Variants in ADCY10 observed in about 807,000 individuals in gnomAD.
ADCY10 encodes the protein adenylate cyclase 10.
A neutral mutation model predicts 183.3 loss-of-function variants in ADCY10; 156 were observed. The ratio of observed to expected loss-of-function variants is 0.85; its 90% CI spans 0.75 to 0.97. ADCY10 has a LOEUF of 0.97. ADCY10 is among the 50% of genes least tolerant of loss of function. The pLI, the probability that ADCY10 is intolerant of heterozygous loss-of-function variation, is 0.00. For missense variants in ADCY10, 1,745 were observed against 1,934.3 expected, an observed-to-expected ratio of 0.90 and a Z score of 1.84; for synonymous variants, 645 against 670.0, an observed-to-expected ratio of 0.96 and a Z score of 0.58.
chr1:167,875,778 G>A (rs203828), intron 12 of ADCY10, among the ~76,000 whole-genome samples: 51,674 of 151,776 alleles, frequency 0.34, 9,795 homozygotes, highest in African/African-American at 0.51. Flanking sequence ...GTGAAACCCC[G>A]TCTCTACCAA....
rs113407437 is a variant in ADCY10 at position 167,859,501 on chromosome 1, C to T, written c.1896+306G>A. Reference sequence around the variant, plus strand: ...GGGGGTTCAAACCTCAGTGGTCTGACGACAGAGCCTGCATATGTAACCACT... The same window carrying T: ...GGGGGTTCAAACCTCAGTGGTCTGATGACAGAGCCTGCATATGTAACCACT... On this transcript the variant is annotated intron_variant, in intron 16 of 32. Coordinates refer to ENST00000367851, the MANE Select transcript of ADCY10 (RefSeq NM_018417.6). Among the ~76,000 whole-genome samples, 894 of 152,164 alleles carry T rather than the reference C, an allele frequency of 5.9e-3. 10 individuals carry two copies. Among genetic ancestry groups the T allele is most frequent in the African/African-American group, 0.021 (851 of 41,504 alleles).
intron 8 of ADCY10, among the ~76,000 whole-genome samples, chr1:167,885,280 T>C (rs1668143996): frequency 6.6e-6 from 1 of 152,148 alleles, no homozygotes; most frequent in East Asian, 1.9e-4. Flanking sequence ...AATATATTGA[T>C]TTCTTTTCTT....
At chr1:167,832,241 A>G (rs574558957) in intron 25 of ADCY10, among the ~76,000 whole-genome samples, 67 of 152,324 alleles carry the variant, frequency 4.4e-4, no homozygotes, top group African/African-American at 1.5e-3. Context: ...CTCCTTTGCC[A>G]TGAATTGCTA....
intron 1 of ADCY10, among the ~76,000 whole-genome samples, chr1:167,909,162 T>C (rs1367687959): frequency 6.6e-6 from 1 of 152,226 alleles, no homozygotes; most frequent in Non-Finnish European, 1.5e-5. Flanking sequence ...GAAATCATAC[T>C]ACATATTTTG....
At chr1:167,821,245 G>A (rs1662892859) in intron 30 of ADCY10, 6 of 152,448 alleles carry the variant, frequency 3.9e-5, no homozygotes, top group Admixed American at 2.0e-4. Context: ...GTAGGTTAAA[G>A]GAATTGAGCC....
At chr1:167,837,884 CTTAAA>C (rs1446662597) in intron 21 of ADCY10, among the ~76,000 whole-genome samples, 5 of 152,304 alleles carry the variant, frequency 3.3e-5, no homozygotes, top group African/African-American at 1.2e-4. Flanking sequence ...GGCAGAGAAT[CTTAAA>C]TTAAAAACCT....
intron 21 of ADCY10, among the ~76,000 whole-genome samples, chr1:167,838,565 A>G (rs1664395008): frequency 6.6e-6 from 1 of 152,190 alleles, no homozygotes; most frequent in African/African-American, 2.4e-5. Flanking sequence ...TCGTCTACCA[A>G]CATTCTAAAT....
At chr1:167,906,671 C>T (rs1364609209) in intron 1 of ADCY10, among the ~76,000 whole-genome samples, 1 of 151,582 alleles carries the variant, frequency 6.6e-6, no homozygotes, top group African/African-American at 2.4e-5. Flanking sequence ...CACCTGTAGT[C>T]CCAGCTATTC....
At chr1:167,863,731 G>C (rs987247777) in intron 14 of ADCY10, among the ~76,000 whole-genome samples, 4 of 152,246 alleles carry the variant, frequency 2.6e-5, no homozygotes, top group East Asian at 1.9e-4. Flanking sequence ...ATTTGCCCCG[G>C]TGGGACACCT....
chr1:167,860,435 T>G (rs567561462), intron 15 of ADCY10, among the ~76,000 whole-genome samples: 1 of 152,164 alleles, frequency 6.6e-6, no homozygotes, highest in African/African-American at 2.4e-5. Flanking sequence ...TAAATAGAGA[T>G]GAAGCTTCAC....
At chr1:167,867,184 G>A (rs1321957267) in intron 14 of ADCY10, among the ~76,000 whole-genome samples, 1 of 152,046 alleles carries the variant, frequency 6.6e-6, no homozygotes, top group Non-Finnish European at 1.5e-5. Context: ...TATTCTAGTG[G>A]GCCCAACCTC....
In ADCY10 at chr1:167,860,982, G is replaced by T. The variant is rs780067996; in HGVS notation, c.1698C>A (p.Gly566=). 6.2e-7 allele frequency: 1 copy of T among 1,614,056 alleles called. No homozygotes were observed. The highest frequency in any genetic ancestry group is 8.5e-7 in the Non-Finnish European group (1 of 1,179,940). Residue 566 remains glycine (G), a synonymous_variant, in exon 15 of 33, where the codon GGC becomes GGA. Transcript: ENST00000367851. The stretch of plus-strand genomic sequence containing the variant: ...CTTTATAATGTTTACAAGTGTCTAG[G>T]CCTAGGACATTGGCCATGAACATCT... ...TIQMFMANVL[G]LDTCKHYKER... is the part of the protein sequence containing the mutation.
intron 31 of ADCY10, among the ~76,000 whole-genome samples, chr1:167,814,527 CAAAATT>C (rs1662404756): frequency 6.8e-6 from 1 of 146,808 alleles, no homozygotes; most frequent in African/African-American, 2.4e-5. Flanking sequence ...CAAAAACTGA[CAAAATT>C]AAAGGTAGAA....
intron 17 of ADCY10, 75 bp from the exon 18 acceptor site, chr1:167,854,564 A>C (rs1665749845): frequency 6.6e-7 from 1 of 1,519,468 alleles, no homozygotes; most frequent in Non-Finnish European, 9.1e-7. Flanking sequence ...AAGTCTTCTC[A>C]ATCACTTGAA....
At chr1:167,882,547 C>T (rs1462289151) in intron 9 of ADCY10, among the ~76,000 whole-genome samples, 5 of 151,464 alleles carry the variant, frequency 3.3e-5, no homozygotes, top group Non-Finnish European at 7.4e-5. Flanking sequence ...AGTCCCCTCC[C>T]TGCCATGGAT....
At chr1:167,869,836 C>G (rs985597729) in intron 14 of ADCY10, among the ~76,000 whole-genome samples, 1 of 152,088 alleles carries the variant, frequency 6.6e-6, no homozygotes, top group Non-Finnish European at 1.5e-5. Flanking sequence ...ATTCTCCCAG[C>G]TGATTAAAGC....
At chr1:167,829,519 G>C in intron 25 of ADCY10, 96 bp from the exon 26 acceptor site, 5 of 1,456,242 alleles carry the variant, frequency 3.4e-6, no homozygotes, top group Non-Finnish European at 4.8e-6. Context: ...CTATGGGCCT[G>C]GGAATCAAAA....
chr1:167,880,207 C>T lies in ADCY10; in HGVS notation c.1140-16G>A, dbSNP rs753090897. 1 of 1,604,336 alleles carries T rather than the reference C, an allele frequency of 6.2e-7. No homozygotes were observed. The highest frequency in any genetic ancestry group is 8.5e-7 in the Non-Finnish European group (1 of 1,173,302). On this transcript the variant is annotated splice_polypyrimidine_tract_variant and intron_variant, in intron 10 of 32. Coordinates refer to ENST00000367851, the MANE Select transcript of ADCY10 (RefSeq NM_018417.6). ...GGATACAGTTCTGGTGCAGGGGAGA[C>T]AAGATTTGTGGGGAAAGAAATAAAG...
chr1:167,837,824 G>A (rs1380382421), intron 21 of ADCY10, among the ~76,000 whole-genome samples: 2 of 152,220 alleles, frequency 1.3e-5, no homozygotes, highest in Non-Finnish European at 2.9e-5. Flanking sequence ...TCAATTTCCA[G>A]TGGAGAAATA....
Sources: gnomAD v4.1 joint callset for allele counts (sites outside exome capture counted in the v4.1 genomes callset) on GRCh38, gnomAD v4.1.1 for gene constraint, MANE v1.5 for transcripts, NCBI Gene and HGNC (gene_info 2026-07-23, HGNC 2026-07-21) for gene names.